Variants in ASH1L observed in about 807,000 individuals in gnomAD.
ASH1L encodes histone-lysine N-methyltransferase ASH1L.
ASH1L carries 23 observed loss-of-function variants against 269.0 expected under a neutral mutation model. The observed-to-expected ratio is 0.09, with a 90% CI of 0.06 to 0.12. The LOEUF (loss-of-function observed/expected upper bound fraction) is 0.12. ASH1L is among the 10% of genes least tolerant of loss of function. The probability of loss-of-function intolerance (pLI) is 1.00; values close to 1 mark genes in which losing one functional copy is unlikely to be tolerated. For synonymous variants in ASH1L, 1,187 were observed against 1,253.5 expected (o/e 0.95, Z 1.12); for missense variants, 2,912 against 3,567.8 (o/e 0.82, Z 4.68).
chr1:155,411,625 A>C (rs1423445146), intron 6 of ASH1L, among the ~76,000 whole-genome samples: 1 of 131,410 alleles, frequency 7.6e-6, no homozygotes, highest in Non-Finnish European at 1.6e-5. Flanking sequence ...ATATGTTTTC[A>C]TCCATGGTTC....
intron 10 of ASH1L, among the ~76,000 whole-genome samples, chr1:155,376,473 T>C (rs1656452303): frequency 1.3e-5 from 2 of 152,224 alleles, no homozygotes; most frequent in Non-Finnish European, 2.9e-5. Flanking sequence ...TCCACTCCTT[T>C]GTCTATTAGA....
intron 4 of ASH1L, chr1:155,440,559 G>A: frequency 1.0e-6 from 1 of 960,528 alleles, no homozygotes; most frequent in South Asian, 4.8e-5. Context: ...GTATGTAAGT[G>A]ACTTCTAAAT....
chr1:155,398,398 A>C (rs1308014383), intron 6 of ASH1L, among the ~76,000 whole-genome samples: 1 of 152,256 alleles, frequency 6.6e-6, no homozygotes, highest in African/African-American at 2.4e-5. Flanking sequence ...AAACCTGTTT[A>C]GCATGTAACT....
intron 15 of ASH1L, 105 bp downstream of exon 15, chr1:155,357,211 A>C: frequency 1.2e-6 from 1 of 845,314 alleles, no homozygotes; most frequent in South Asian, 1.7e-5. Flanking sequence ...CTTTGGCTTA[A>C]GACAAAAGAA....
chr1:155,463,323 A>C lies in ASH1L; in HGVS notation c.4985-3425T>G, dbSNP rs187245941. Among the ~76,000 whole-genome samples, 5 of 152,338 alleles carry C rather than the reference A, an allele frequency of 3.3e-5. No individual in the cohort carries two copies. The East Asian group carries it at 9.6e-4, about 29-fold the overall frequency. The stretch of plus-strand genomic sequence containing the variant: ...TCCTGGCTCTGCTACAAATTAAACT[A>C]GAGAGAATCTATAGAAGTAAATGTG... On this transcript the variant is annotated intron_variant, in intron 3 of 27. Coordinates refer to ENST00000392403, the MANE Select transcript of ASH1L (RefSeq NM_018489.3).
intron 4 of ASH1L, among the ~76,000 whole-genome samples, chr1:155,450,331 G>A (rs1038115501): frequency 6.6e-6 from 1 of 152,144 alleles, no homozygotes. Context: ...CGATCTGTGG[G>A]ATATAGTTTT....
At position 155,478,971 on chromosome 1, in the gene ASH1L, T is replaced by C. The variant is rs780939439; in HGVS notation, c.3899A>G (p.Glu1300Gly). The change falls in exon 3 of 28, where the codon GAA becomes GGA. Residue 1300 changes from glutamate (E) to glycine (G), a missense_variant. By Grantham distance (98) the Glu-to-Gly change is moderately conservative. Around this residue, in one of 13 missense-constraint regions of ASH1L, gnomAD observed 789 missense variants for 897.6 expected, o/e 0.88. Coordinates refer to ENST00000392403, the MANE Select transcript of ASH1L (RefSeq NM_018489.3). The surrounding 1 kb of genome is among the most constrained non-coding windows in gnomAD (Gnocchi z 4.6). ...ATGACTTCGATGAGTGATCCGAATT[T>C]CACTTAGGCGACTTATTAGTTCCTC... is the stretch of plus-strand genomic sequence containing the variant. ...ELEELISRLS[E>G]IRITHRSHHF... The C allele has an allele frequency of 1.9e-5, 31 of 1,613,586 alleles. No homozygotes were observed. The highest frequency in any genetic ancestry group is 1.7e-6 in the Non-Finnish European group (2 of 1,180,038).
In ASH1L at chr1:155,481,889, A is replaced by G; in HGVS notation, c.981T>C (p.Thr327=). ...TGCTTAGCAGTCCTACTGTAGTGAT[A>G]GTTCCTGGCTTTTTGCCTAAGTTTT... is the stretch of plus-strand genomic sequence containing the variant. ...INKNLGKKPG[T]ITTVGLLSKD... Residue 327 remains threonine (T), a synonymous_variant, in exon 3 of 28, where the codon ACT becomes ACC. Coordinates refer to ENST00000392403, the MANE Select transcript of ASH1L (RefSeq NM_018489.3). 6.2e-7 allele frequency: 1 copy of G among 1,614,192 alleles called. No individual in the cohort carries two copies. Among genetic ancestry groups the G allele is most frequent in the Middle Eastern group, 1.6e-4 (1 of 6,062 alleles).
chr1:155,458,952 CTTTTTTTTT>C (rs368224681), intron 4 of ASH1L, among the ~76,000 whole-genome samples: 1 of 134,548 alleles, frequency 7.4e-6, no homozygotes, highest in Non-Finnish European at 1.6e-5. Context: ...CATCCTCTCT[CTTTTTTTTT>C]TTTTTTTTGG....
intron 10 of ASH1L, among the ~76,000 whole-genome samples, chr1:155,373,432 C>T (rs984507096): frequency 1.3e-5 from 2 of 151,562 alleles, no homozygotes; most frequent in Non-Finnish European, 2.9e-5. Flanking sequence ...GGAACACAGG[C>T]GCGCACCACC....
intron 19 of ASH1L, among the ~76,000 whole-genome samples, chr1:155,348,243 T>C (rs1050882539): frequency 3.3e-5 from 5 of 152,178 alleles, no homozygotes; most frequent in African/African-American, 1.2e-4. Context: ...CATACACCTT[T>C]GTCTTGTGGA....
chr1:155,481,734 G>A lies in ASH1L; in HGVS notation c.1136C>T (p.Thr379Ile). 6.2e-7 allele frequency: 1 copy of A among 1,614,146 alleles called. No individual in the cohort carries two copies. Among genetic ancestry groups the A allele is most frequent in the Non-Finnish European group, 8.5e-7 (1 of 1,180,020 alleles). Residue 379 changes from threonine (T) to isoleucine (I), a missense_variant, in exon 3 of 28, where the codon ACT (threonine) becomes ATT (isoleucine). By Grantham distance (89) the Thr-to-Ile change is moderately conservative. This residue lies in a region of ASH1L where 277 missense variants were observed against 367.7 expected (regional missense o/e 0.75). Transcript: ENST00000392403. ...NKDLGKKLGS[T>I]VGLVAKDCAK... ...ACAGTCCTTGGCCACTAGGCCAACA[G>A]TAGAACCCAATTTCTTTCCCAAATC...
rs1666009199 is a variant in ASH1L at position 155,482,236 on chromosome 1, C to T, written c.634G>A (p.Gly212Arg). Residue 212 changes from glycine to arginine, a missense_variant, in exon 3 of 28, where the codon GGA becomes AGA. By Grantham distance (125) the Gly-to-Arg change is moderately radical. Transcript: ENST00000392403. ...PDLKDRALLN[G>R]GTSVTEKLAQ... ...AACTTTTCTGTTACACTAGTTCCTC[C>T]ATTAAGTAATGCTCTGTCCTTTAAA... The T allele has an allele frequency of 6.2e-7, 1 of 1,614,146 alleles. No individual in the cohort carries two copies. The highest frequency in any genetic ancestry group is 1.3e-5 in the African/African-American group (1 of 75,050).
intron 3 of ASH1L, among the ~76,000 whole-genome samples, chr1:155,468,262 C>T (rs571747859): frequency 1.4e-5 from 2 of 148,092 alleles, no homozygotes; most frequent in South Asian, 4.3e-4. Flanking sequence ...TTAACACATT[C>T]TATCAGAGAG....
At chr1:155,389,992 C>T (rs2148470810) in intron 7 of ASH1L, among the ~76,000 whole-genome samples, 1 of 149,468 alleles carries the variant, frequency 6.7e-6, no homozygotes, top group African/African-American at 2.5e-5. Flanking sequence ...TATGATGACT[C>T]TTACTCATCT....
chr1:155,479,499 T>C lies in ASH1L; in HGVS notation c.3371A>G (p.Asp1124Gly). The C allele has an allele frequency of 6.2e-7, 1 of 1,614,126 alleles. No individual in the cohort carries two copies. The highest frequency in any genetic ancestry group is 1.3e-5 in the African/African-American group (1 of 75,040). ...TSGGQSPVSSDAGFVEPSSVP... is the reference protein window; with the variant it reads ...TSGGQSPVSSGAGFVEPSSVP... ...TGAACTGGGTTCAACAAAACCTGCATCACTACTTACAGGGCTCTGACCTCC... is the reference window on the plus strand; with the variant it reads ...TGAACTGGGTTCAACAAAACCTGCACCACTACTTACAGGGCTCTGACCTCC... The change falls in exon 3 of 28, where the codon GAT becomes GGT. Residue 1124 changes from aspartate to glycine, a missense_variant. Physicochemically the swap from Asp to Gly is moderately conservative, Grantham distance 94. Transcript: ENST00000392403.
At chr1:155,546,173 A>AC (rs1014637184) in intron 1 of ASH1L, among the ~76,000 whole-genome samples, 9 of 150,782 alleles carry the variant, frequency 6.0e-5, no homozygotes, top group Non-Finnish European at 1.0e-4. Flanking sequence ...AAAAAAAAAA[A>AC]AACAAAAATT....
intron 2 of ASH1L, among the ~76,000 whole-genome samples, chr1:155,502,767 G>A (rs1013614417): frequency 6.6e-6 from 1 of 152,056 alleles, no homozygotes; most frequent in Non-Finnish European, 1.5e-5. Context: ...CTTTCTCCTT[G>A]CACAGTGAAA....
chr1:155,391,093 A>C (rs193180125), intron 7 of ASH1L, among the ~76,000 whole-genome samples: 5 of 152,002 alleles, frequency 3.3e-5, no homozygotes, highest in Admixed American at 2.6e-4. Context: ...ATACAAGTGC[A>C]TGCCACCACA....
Sources: allele counts gnomAD v4.1 joint callset (sites outside exome capture counted in the v4.1 genomes callset), GRCh38; gene constraint gnomAD v4.1.1; regional missense constraint gnomAD v4.1.1; non-coding constraint Gnocchi (gnomAD v3.1); transcripts MANE v1.5; gene names NCBI Gene and HGNC (gene_info 2026-07-23, HGNC 2026-07-21).